The following PTPRK variants were observed in gnomAD, a reference collection of about 807,000 sequenced individuals.
PTPRK encodes the protein receptor-type tyrosine-protein phosphatase kappa.
Under a neutral mutation model 178.0 loss-of-function variants are expected in PTPRK, and 75 were observed. The observed-to-expected ratio is 0.42, with a 90% CI of 0.35 to 0.51. The LOEUF (loss-of-function observed/expected upper bound fraction) is 0.51, where lower values mean the gene tolerates loss of function less well. Among genes scored for constraint, PTPRK ranks in the 20% least tolerant of loss-of-function variants. PTPRK has a pLI of 0.02. For synonymous variants in PTPRK, 637 were observed against 620.6 expected (o/e 1.03, Z -0.39); for missense variants, 1,441 against 1,797.8 (o/e 0.80, Z 3.59).
At chr6:128,096,627 T>C (rs1787945502) in intron 7 of PTPRK, among the ~76,000 whole-genome samples, 1 of 151,592 alleles carries the variant, frequency 6.6e-6, no homozygotes. Context: ...CAAGGAAAAA[T>C]AAAAAAAAGA....
chr6:128,348,507 T>C (rs542006673), intron 2 of PTPRK, among the ~76,000 whole-genome samples: 14 of 150,616 alleles, frequency 9.3e-5, no homozygotes, highest in Non-Finnish European at 1.3e-4. Flanking sequence ...ACTATGTTTA[T>C]TGTATTTTAT....
chr6:128,012,582 T>C (rs900756497), intron 13 of PTPRK, among the ~76,000 whole-genome samples: 4 of 151,256 alleles, frequency 2.6e-5, no homozygotes, highest in African/African-American at 9.7e-5. Context: ...GAAGCATAAT[T>C]CTTTGTACAA....
At chr6:128,021,146 T>C (rs1385746858) in intron 13 of PTPRK, among the ~76,000 whole-genome samples, 3 of 152,198 alleles carry the variant, frequency 2.0e-5, no homozygotes, top group Non-Finnish European at 4.4e-5. Flanking sequence ...AATGAAAAGA[T>C]GGGAGCCTTA....
chr6:128,094,507 A>G (rs974950853), intron 7 of PTPRK, among the ~76,000 whole-genome samples: 13 of 152,180 alleles, frequency 8.5e-5, no homozygotes, highest in African/African-American at 3.1e-4. Flanking sequence ...GACAAAGAAA[A>G]TTAAGGTGCT....
intron 7 of PTPRK, among the ~76,000 whole-genome samples, chr6:128,160,018 A>G: frequency 6.6e-6 from 1 of 151,748 alleles, no homozygotes. Flanking sequence ...CTTCATTTAT[A>G]TCTTGATATC....
intron 11 of PTPRK, among the ~76,000 whole-genome samples, chr6:128,068,417 C>T (rs1782210115): frequency 6.6e-6 from 1 of 152,190 alleles, no homozygotes; most frequent in African/African-American, 2.4e-5. Flanking sequence ...AGACCGCCTC[C>T]TTCTTCTGGA....
chr6:128,362,020 CTT>C (rs1395499935), intron 2 of PTPRK, among the ~76,000 whole-genome samples: 1 of 152,050 alleles, frequency 6.6e-6, no homozygotes, highest in Non-Finnish European at 1.5e-5. Flanking sequence ...AAAGGGGACA[CTT>C]TATATGTTAG....
chr6:128,401,408 G>A (rs550381819), intron 1 of PTPRK, among the ~76,000 whole-genome samples: 111 of 152,208 alleles, frequency 7.3e-4, no homozygotes, highest in African/African-American at 2.6e-3. Flanking sequence ...TAAACAGAGG[G>A]TAAAAGCTCT....
At chr6:127,994,010 A>G (rs1776877195) in intron 18 of PTPRK, among the ~76,000 whole-genome samples, 1 of 151,700 alleles carries the variant, frequency 6.6e-6, no homozygotes, top group Admixed American at 6.6e-5. Context: ...TTTGTCATAG[A>G]ACTGTTGATT....
At chr6:128,049,106 G>C (rs563798467) in intron 13 of PTPRK, among the ~76,000 whole-genome samples, 51 of 152,062 alleles carry the variant, frequency 3.4e-4, no homozygotes, top group African/African-American at 1.2e-3. Flanking sequence ...TAAATACTAT[G>C]TTCAAATAAA....
intron 1 of PTPRK, among the ~76,000 whole-genome samples, chr6:128,469,398 A>G (rs893590489): frequency 2.6e-5 from 4 of 152,182 alleles, no homozygotes; most frequent in African/African-American, 9.6e-5. Context: ...TTCAAATCCA[A>G]TGAAACAAAA....
chr6:128,251,184 A>C (rs1368208956), intron 3 of PTPRK, among the ~76,000 whole-genome samples: 2 of 152,218 alleles, frequency 1.3e-5, no homozygotes. Flanking sequence ...TCACAAAAAG[A>C]TACATAGATA....
intron 13 of PTPRK, among the ~76,000 whole-genome samples, chr6:128,022,776 A>G (rs1175429346): frequency 6.6e-6 from 1 of 152,164 alleles, no homozygotes. Flanking sequence ...TTCCATGGAT[A>G]TCACTGAATT....
At chr6:128,241,131 G>T (rs1383597461) in intron 4 of PTPRK, 1 of 449,002 alleles carries the variant, frequency 2.2e-6, no homozygotes, top group Non-Finnish European at 4.5e-6. Context: ...TAAATGAGAT[G>T]ATTTTGTTCT....
intron 1 of PTPRK, among the ~76,000 whole-genome samples, chr6:128,492,701 C>T (rs1040530644): frequency 6.6e-6 from 1 of 152,186 alleles, no homozygotes; most frequent in African/African-American, 2.4e-5. Flanking sequence ...TCTCCTACTA[C>T]TCTATTGAAT....
chr6:128,057,664 T>C (rs1183483297), intron 13 of PTPRK, among the ~76,000 whole-genome samples: 1 of 152,176 alleles, frequency 6.6e-6, no homozygotes, highest in Non-Finnish European at 1.5e-5. Context: ...TCCTCTGAAC[T>C]TTGTCCATGT....
chr6:128,394,503 A>T (rs913188112), intron 2 of PTPRK, among the ~76,000 whole-genome samples: 1 of 152,160 alleles, frequency 6.6e-6, no homozygotes, highest in African/African-American at 2.4e-5. Context: ...TCATTTTTCC[A>T]CTGATTGTAC....
intron 6 of PTPRK, among the ~76,000 whole-genome samples, chr6:128,202,766 C>A (rs1806205912): frequency 6.6e-6 from 1 of 152,086 alleles, no homozygotes; most frequent in South Asian, 2.1e-4. Flanking sequence ...AATAAATAGC[C>A]TACAAACCAA....
rs1777474646 is a variant in PTPRK at position 127,998,827 on chromosome 6, G to C, written c.2572C>G (p.Pro858Ala). 1.2e-6 allele frequency: 2 copies of C among 1,609,796 alleles called. No individual in the cohort carries two copies. The highest frequency in any genetic ancestry group is 2.2e-5 in the South Asian group (2 of 90,550). ...PRYLCEGTES[P>A]YQTGQLHPAI... ...GGATGCAGCTGTCCTGTCTGGTAAG[G>C]GGATTCCGTCCCCTCACAGAGGTAG... Residue 858 changes from proline to alanine, a missense_variant, in exon 16 of 30, where the codon CCT becomes GCT. This residue lies in a region of PTPRK where 945 missense variants were observed against 1,080.6 expected (regional missense o/e 0.87). Transcript: ENST00000368226.
Sources: gnomAD v4.1 joint callset for allele counts (sites outside exome capture counted in the v4.1 genomes callset) on GRCh38, gnomAD v4.1.1 for gene constraint, gnomAD v4.1.1 regional missense constraint, MANE v1.5 for transcripts, NCBI Gene and HGNC (gene_info 2026-07-23, HGNC 2026-07-21) for gene names.